MRPL52: variants seen among roughly 807,000 people sequenced by gnomAD.
The protein encoded by MRPL52 is large ribosomal subunit protein mL52.
A neutral mutation model predicts 22.1 loss-of-function variants in MRPL52; 19 were observed. The ratio of observed to expected loss-of-function variants is 0.86; its 90% CI spans 0.60 to 1.26. The LOEUF (loss-of-function observed/expected upper bound fraction) is 1.26. Ranked by LOEUF, MRPL52 falls within the 50% of genes most tolerant of loss-of-function variation. The pLI is 0.00. For synonymous variants in MRPL52, 50 were observed against 57.5 expected, an observed-to-expected ratio of 0.87 and a Z score of 0.59; for missense variants, 152 against 148.1, an observed-to-expected ratio of 1.03 and a Z score of -0.14.
At chr14:22,830,283 C>G (rs2039576460) in intron 3 of MRPL52, 29 bp downstream of exon 3, 1 of 1,613,230 alleles carries the variant, frequency 6.2e-7, no homozygotes, top group African/African-American at 1.3e-5. Flanking sequence ...GTTAACTCCA[C>G]TGGGGAGATT....
Position 22,834,514 on chromosome 14 carries a change from C to A in MRPL52, c.*193C>A. Reference sequence around the variant, plus strand: ...TAGTACTCTCATCTCTGGTTCCATTCCAGTTCAGCTAAGTCTTGCTTTAAA... The same window carrying A: ...TAGTACTCTCATCTCTGGTTCCATTACAGTTCAGCTAAGTCTTGCTTTAAA... On this transcript the variant is annotated 3_prime_UTR_variant, in exon 5 of 5. Coordinates refer to ENST00000397496, the MANE Select transcript of MRPL52 (RefSeq NM_180982.3). 1 of 621,684 alleles carries A rather than the reference C, an allele frequency of 1.6e-6. No homozygotes were observed. Among genetic ancestry groups the A allele is most frequent in the Non-Finnish European group, 2.7e-6 (1 of 373,318 alleles). The allele number at this position is 621,684 out of a possible 1,614,324, so 38.5% of individuals were successfully genotyped here. A position where few individuals can be genotyped will look rare whatever the true frequency, so the allele number is the denominator to read the frequency against.
In MRPL52 at chr14:22,832,335, T is replaced by G. The variant is rs140059327; in HGVS notation, c.155-1083T>G. 6.0e-4 allele frequency among the ~76,000 whole-genome samples: 91 copies of G among 151,758 alleles called. 1 individual carries two copies. In the East Asian group the frequency reaches 0.013, roughly 21 times the overall value. ...GATCACATTGCTTAAGAGTTTCTGGTTTTTTTTGTTTTTTGTTTTTTTTGA... is the reference window on the plus strand; with the variant it reads ...GATCACATTGCTTAAGAGTTTCTGGGTTTTTTTGTTTTTTGTTTTTTTTGA... On this transcript the variant is annotated intron_variant, in intron 3 of 4. Coordinates refer to ENST00000397496, the MANE Select transcript of MRPL52 (RefSeq NM_180982.3).
At chr14:22,830,954 T>G in intron 3 of MRPL52, 1 of 1,513,456 alleles carries the variant, frequency 6.6e-7, no homozygotes, top group Admixed American at 2.0e-5. Flanking sequence ...ACCCTATTGT[T>G]GCTCTCTAGG....
In MRPL52 at chr14:22,829,953, A is replaced by C. The variant is rs554389537; in HGVS notation, c.28+13A>C. On this transcript the variant is annotated intron_variant, in intron 1 of 4. Transcript: ENST00000397496. ...ACTGTTCTCTTCAGTGAGTGGGTAT[A>C]GATAGGGACCGTGGACTCGGGGGCC... 1.3e-6 allele frequency: 2 copies of C among 1,593,326 alleles called. No homozygotes were observed. Among genetic ancestry groups the C allele is most frequent in the South Asian group, 2.2e-5 (2 of 90,402 alleles).
At chr14:22,833,118 CAGTGAGCTGAG>C in intron 3 of MRPL52, 1 of 211,304 alleles carries the variant, frequency 4.7e-6, no homozygotes, top group Non-Finnish European at 9.5e-6. Flanking sequence ...GCAGAGGTTG[CAGTGAGCTGAG>C]ATTGCACCAC....
Position 22,834,155 on chromosome 14 carries a change from T to C in MRPL52, c.220-17T>C. 1 of 1,613,514 alleles carries C rather than the reference T, an allele frequency of 6.2e-7. No homozygotes were observed. Among genetic ancestry groups the C allele is most frequent in the South Asian group, 1.1e-5 (1 of 90,962 alleles). On this transcript the variant is annotated splice_polypyrimidine_tract_variant and intron_variant, in intron 4 of 4. Coordinates refer to ENST00000397496, the MANE Select transcript of MRPL52 (RefSeq NM_180982.3). ...AAGTCCCAGATGTTATCCACACTGTTTTCCTGTCTGTTTCAGAGACGAGTT... is the reference window on the plus strand; with the variant it reads ...AAGTCCCAGATGTTATCCACACTGTCTTCCTGTCTGTTTCAGAGACGAGTT...
chr14:22,833,417 G>A lies in MRPL52; in HGVS notation c.155-1G>A. 1.2e-6 allele frequency: 2 copies of A among 1,611,600 alleles called. No homozygotes were observed. Among genetic ancestry groups the A allele is most frequent in the Non-Finnish European group, 1.7e-6 (2 of 1,177,734 alleles). ...GACTTTTCTCTCACTTCTACTTGTA[G>A]ATGGCCGCCCTGCTCCCCCAATGAA... On this transcript the variant is annotated splice_acceptor_variant, in intron 3 of 4. Coordinates refer to ENST00000397496, the MANE Select transcript of MRPL52 (RefSeq NM_180982.3). LOFTEE classifies it high-confidence loss of function.
At chr14:22,831,203 C>A in intron 3 of MRPL52, 3 of 536,208 alleles carry the variant, frequency 5.6e-6, no homozygotes, top group Non-Finnish European at 9.6e-6. Flanking sequence ...GCCTTGATCT[C>A]CTGGGCTCAA....
Position 22,832,078 on chromosome 14 carries a change from TA to T in MRPL52, c.155-1333del, listed in dbSNP as rs796659039. ...GGACCTGAGGTAGCTAAATAACACT[TA>T]AAAAAATAAAACAGAAGAGTACAGT... On this transcript the variant is annotated intron_variant, in intron 3 of 4. Coordinates refer to ENST00000397496, the MANE Select transcript of MRPL52 (RefSeq NM_180982.3). 6 of 152,238 alleles carry T rather than the reference TA, an allele frequency of 3.9e-5. 1 individual carries two copies. The highest frequency in any genetic ancestry group is 1.2e-4 in the African/African-American group (5 of 41,538). The allele number at this position is 152,238 out of a possible 1,614,324, so 9.4% of individuals were successfully genotyped here. A position where few individuals can be genotyped will look rare whatever the true frequency, so the allele number is the denominator to read the frequency against.
At chr14:22,832,754 C>G (rs2039650131) in intron 3 of MRPL52, among the ~76,000 whole-genome samples, 2 of 152,052 alleles carry the variant, frequency 1.3e-5, no homozygotes, top group African/African-American at 4.8e-5. Context: ...TGGTGCGCAC[C>G]TGTAATCCCA....
In MRPL52 at chr14:22,830,171, GT is replaced by G. The variant is rs1337097842; in HGVS notation, c.87-11del. 6.2e-7 allele frequency: 1 copy of G among 1,614,234 alleles called. No individual in the cohort carries two copies. Among genetic ancestry groups the G allele is most frequent in the South Asian group, 1.1e-5 (1 of 91,090 alleles). ...AGCTGGGCTAGGTCCTCACAGATCT[GT>G]TTTTCTCCACACAGGCAGGGACTGG... On this transcript the variant is annotated splice_polypyrimidine_tract_variant and intron_variant, in intron 2 of 4. Transcript: ENST00000397496.
At position 22,834,319 on chromosome 14, in the gene MRPL52, T is replaced by C; in HGVS notation, c.367T>C (p.Ter123GlnextTer48). The change falls in exon 5 of 5, where the codon TAA becomes CAA. Residue 123 changes from the stop codon to glutamine (Q), a stop_lost. Transcript: ENST00000397496. ...ACTGAAGAGCCCACTTCCAAGTCAA[T>C]AAAAAGCAACTCCTGCCTCCCTTCC... The part of the protein sequence containing the change: ...ASLKSPLPSQ[*>Q] The C allele has an allele frequency of 6.2e-7, 1 of 1,608,560 alleles. No individual in the cohort carries two copies. The highest frequency in any genetic ancestry group is 8.5e-7 in the Non-Finnish European group (1 of 1,178,244).
rs920869342 is a variant in MRPL52 at position 22,832,541 on chromosome 14, C to A, written c.155-877C>A. 3.3e-5 allele frequency among the ~76,000 whole-genome samples: 5 copies of A among 151,864 alleles called. No individual in the cohort carries two copies. The East Asian group carries it at 9.7e-4, about 29-fold the overall frequency. On this transcript the variant is annotated intron_variant, in intron 3 of 4. Transcript: ENST00000397496. ...ATTTTTAGTAGAGACAGGGTTTCAC[C>A]GTGTTAGCCAGGATGGTCTCAATCT...
At chr14:22,832,948 G>T (rs931258837) in intron 3 of MRPL52, among the ~76,000 whole-genome samples, 2 of 152,066 alleles carry the variant, frequency 1.3e-5, no homozygotes, top group African/African-American at 4.8e-5. Flanking sequence ...GGGAGGCCGA[G>T]GCAGGTGGAT....
Position 22,834,333 on chromosome 14 carries a change from T to C in MRPL52, c.*12T>C, listed in dbSNP as rs1475380283. The C allele has an allele frequency of 1.2e-6, 2 of 1,606,292 alleles. No homozygotes were observed. The highest frequency in any genetic ancestry group is 1.7e-6 in the Non-Finnish European group (2 of 1,177,292). On this transcript the variant is annotated 3_prime_UTR_variant, in exon 5 of 5. Transcript: ENST00000397496. ...TTCCAAGTCAATAAAAAGCAACTCC[T>C]GCCTCCCTTCCTCACCCTGTCTCTG...
Position 22,829,968 on chromosome 14 carries a change from A to G in MRPL52, c.28+28A>G, listed in dbSNP as rs772112137. On this transcript the variant is annotated intron_variant, in intron 1 of 4. Transcript: ENST00000397496. ...GAGTGGGTATAGATAGGGACCGTGGACTCGGGGGCCCTTTGGGGACGGGCA... is the reference window on the plus strand; with the variant it reads ...GAGTGGGTATAGATAGGGACCGTGGGCTCGGGGGCCCTTTGGGGACGGGCA... The G allele has an allele frequency of 8.7e-6, 14 of 1,611,186 alleles. No individual in the cohort carries two copies. In the South Asian group the frequency reaches 1.5e-4, roughly 18 times the overall value.
At chr14:22,833,647 G>A (rs975281680) in intron 4 of MRPL52, among the ~76,000 whole-genome samples, 165 bp downstream of exon 4, 14 of 152,020 alleles carry the variant, frequency 9.2e-5, no homozygotes, top group Non-Finnish European at 1.6e-4. Context: ...TTTGTGAGAC[G>A]GAGTTTCGCT....
At chr14:22,833,363 C>T (rs1187894580) in intron 3 of MRPL52, 55 bp from the exon 4 acceptor site, 1 of 1,122,064 alleles carries the variant, frequency 8.9e-7, no homozygotes, top group African/African-American at 1.5e-5. Flanking sequence ...AGTATTTGCA[C>T]AAGGTGATGC....
intron 3 of MRPL52, 153 bp downstream of exon 3, chr14:22,830,407 T>A: frequency 1.4e-6 from 1 of 734,078 alleles, no homozygotes; most frequent in Non-Finnish European, 2.3e-6. Flanking sequence ...AACCCTCTTG[T>A]TTATTTTGTA....
Sources: gnomAD v4.1 joint callset for allele counts (sites outside exome capture counted in the v4.1 genomes callset) on GRCh38, gnomAD v4.1.1 for gene constraint, MANE v1.5 for transcripts, NCBI Gene and HGNC (gene_info 2026-07-23, HGNC 2026-07-21) for gene names.